Variants in ITPR2 observed in about 807,000 individuals in gnomAD.
ITPR2 encodes the protein inositol 1,4,5-trisphosphate receptor type 2.
In ITPR2, 207 loss-of-function variants were observed where a neutral mutation model predicts 317.1. The observed-to-expected ratio is 0.65, with a 90% CI of 0.58 to 0.73. The LOEUF is 0.73. Ranked by LOEUF, ITPR2 falls within the 30% of genes least tolerant of loss-of-function variation. ITPR2 has a pLI of 0.00. For synonymous variants in ITPR2, 1,156 were observed against 1,149.1 expected, an observed-to-expected ratio of 1.01 and a Z score of -0.12; for missense variants, 2,613 against 3,284.0, an observed-to-expected ratio of 0.80 and a Z score of 4.99.
intron 2 of ITPR2, among the ~76,000 whole-genome samples, chr12:26,743,385 T>G (rs1015960586): frequency 2.0e-5 from 3 of 152,160 alleles, no homozygotes; most frequent in African/African-American, 7.2e-5. Context: ...CATATAAAAA[T>G]TTATCAAGCT....
intron 37 of ITPR2, among the ~76,000 whole-genome samples, chr12:26,525,418 T>C (rs916994527): frequency 1.3e-5 from 2 of 152,202 alleles, no homozygotes; most frequent in Non-Finnish European, 2.9e-5. Flanking sequence ...AATCCTTTCC[T>C]ACTGGCATCT....
chr12:26,675,124 T>C (rs1947877703), intron 13 of ITPR2, among the ~76,000 whole-genome samples: 1 of 152,102 alleles, frequency 6.6e-6, no homozygotes. Context: ...TCAACCATTG[T>C]GGAAGTCAGT....
intron 55 of ITPR2, among the ~76,000 whole-genome samples, chr12:26,385,348 C>T (rs1055419295): frequency 6.6e-6 from 1 of 152,160 alleles, no homozygotes; most frequent in Non-Finnish European, 1.5e-5. Context: ...CCGCCTTTCT[C>T]CCAATGACCA....
At chr12:26,606,755 G>A (rs977307162) in intron 26 of ITPR2, among the ~76,000 whole-genome samples, 3 of 152,020 alleles carry the variant, frequency 2.0e-5, no homozygotes, top group African/African-American at 7.2e-5. Context: ...CACATAGAAA[G>A]ACTCTGTCTC....
chr12:26,653,994 T>C lies in ITPR2; in HGVS notation c.2722A>G (p.Ser908Gly). The change falls in exon 21 of 57, where the codon AGC becomes GGC. Residue 908 changes from serine (S) to glycine (G), a missense_variant. By Grantham distance (56) the Ser-to-Gly change is moderately conservative. This residue lies in a region of ITPR2 where 817 missense variants were observed against 897.6 expected (regional missense o/e 0.91). Coordinates refer to ENST00000381340, the MANE Select transcript of ITPR2 (RefSeq NM_002223.4). Reference protein sequence around the residue: ...APMSSYFERLSKFQDGGNNVM... With the variant: ...APMSSYFERLGKFQDGGNNVM... Reference sequence around the variant, plus strand: ...TTCTTACCTCCATCTTGAAATTTGCTTAATCTTTCAAAGTATGATGACATG... The same window carrying C: ...TTCTTACCTCCATCTTGAAATTTGCCTAATCTTTCAAAGTATGATGACATG... The C allele has an allele frequency of 3.1e-6, 5 of 1,610,814 alleles. No homozygotes were observed. The highest frequency in any genetic ancestry group is 4.2e-6 in the Non-Finnish European group (5 of 1,177,822).
At chr12:26,657,649 A>T in intron 18 of ITPR2, 58 bp downstream of exon 18, 1 of 1,447,996 alleles carries the variant, frequency 6.9e-7, no homozygotes, top group Non-Finnish European at 9.6e-7. Flanking sequence ...ACAGAGAACC[A>T]GTTCTCAATT....
chr12:26,666,193 C>T (rs573016414), intron 13 of ITPR2, 142 bp from the exon 14 acceptor site: 1 of 304,584 alleles, frequency 3.3e-6, no homozygotes, highest in Admixed American at 6.8e-5. Flanking sequence ...AGGAGTGGAA[C>T]TCAAATCCAT....
chr12:26,592,094 T>C (rs1195274832), intron 32 of ITPR2, among the ~76,000 whole-genome samples: 1 of 152,226 alleles, frequency 6.6e-6, no homozygotes, highest in Non-Finnish European at 1.5e-5. Flanking sequence ...TCCAGTCATC[T>C]GCAACAACAT....
chr12:26,414,069 A>ACACACACG (rs1485645053), intron 51 of ITPR2, among the ~76,000 whole-genome samples: 1 of 151,688 alleles, frequency 6.6e-6, no homozygotes, highest in African/African-American at 2.4e-5. Context: ...ACACACACAC[A>ACACACACG]CACACACACA....
intron 55 of ITPR2, among the ~76,000 whole-genome samples, chr12:26,382,983 A>G (rs1939553948): frequency 6.6e-6 from 1 of 152,168 alleles, no homozygotes; most frequent in Non-Finnish European, 1.5e-5. Flanking sequence ...TCATGTTGAA[A>G]TTTGATCCCT....
At chr12:26,691,724 A>G (rs1439609039) in intron 10 of ITPR2, among the ~76,000 whole-genome samples, 4 of 152,014 alleles carry the variant, frequency 2.6e-5, no homozygotes, top group African/African-American at 7.2e-5. Context: ...TGAGTCATCA[A>G]ATTTTTAGCA....
In ITPR2 at chr12:26,722,427, C is replaced by G; in HGVS notation, c.495G>C (p.Pro165=). ...GNEGSWFYIH[P]FWKLRSEGDN... ...CACCCTCGCTTCTCAGTTTCCAGAACGGATGAATATAAAACCAAGACCCTT... is the reference window on the plus strand; with the variant it reads ...CACCCTCGCTTCTCAGTTTCCAGAAGGGATGAATATAAAACCAAGACCCTT... Residue 165 remains proline, a synonymous_variant, in exon 5 of 57, where the codon CCG becomes CCC. Coordinates refer to ENST00000381340, the MANE Select transcript of ITPR2 (RefSeq NM_002223.4). 1 of 1,612,150 alleles carries G rather than the reference C, an allele frequency of 6.2e-7. No homozygotes were observed. The highest frequency in any genetic ancestry group is 8.5e-7 in the Non-Finnish European group (1 of 1,178,908).
chr12:26,391,556 C>CTTTT (rs1555117374), intron 54 of ITPR2, among the ~76,000 whole-genome samples: 15 of 98,594 alleles, frequency 1.5e-4, no homozygotes, highest in African/African-American at 4.3e-4. Flanking sequence ...TCTTCTTTTC[C>CTTTT]TTTTTTTTTT....
chr12:26,605,126 A>AAAAAAAATATATATATATATAT lies in ITPR2; in HGVS notation c.3463-2421_3463-2420insATATATATATATATATTTTTTT, dbSNP rs1555165395. 8.1e-5 allele frequency among the ~76,000 whole-genome samples: 11 copies of AAAAAAAATATATATATATATAT among 136,322 alleles called. No homozygotes were observed. The South Asian group carries it at 1.7e-3, about 21-fold the overall frequency. 89.4% of individuals were successfully genotyped at this position (136,322 alleles called of 152,430 possible). A position where few individuals can be genotyped will look rare whatever the true frequency, so the allele number is the denominator to read the frequency against. Reference sequence around the variant, plus strand: ...ATAAAAATAAAAAATAAAAAATAAAAATATATATATATATATGAGAAAGTG... The same window carrying AAAAAAAATATATATATATATAT: ...ATAAAAATAAAAAATAAAAAATAAAAAAAAAAATATATATATATATATATATATATATATATATGAGAAAGTG... On this transcript the variant is annotated intron_variant, in intron 26 of 56. Transcript: ENST00000381340.
rs1052395827 is a variant in ITPR2 at position 26,831,668 on chromosome 12, T to C, written c.92+1022A>G. Among the ~76,000 whole-genome samples the C allele has an allele frequency of 6.2e-5, 8 of 129,700 alleles. No homozygotes were observed. Among genetic ancestry groups the C allele is most frequent in the Admixed American group, 2.4e-4 (3 of 12,322 alleles). The allele number at this position is 129,700 out of a possible 152,430, so 85.1% of individuals were successfully genotyped here. A position where few individuals can be genotyped will look rare whatever the true frequency, so the allele number is the denominator to read the frequency against. ...TCCTATTTAACCATTTGGCACACTG[T>C]TTTATATATAAATATATATATATAT... On this transcript the variant is annotated intron_variant, in intron 1 of 56. Transcript: ENST00000381340. The surrounding 1 kb of genome is among the most constrained non-coding windows in gnomAD (Gnocchi z 4.9).
At chr12:26,427,674 G>A (rs1461473341) in intron 49 of ITPR2, among the ~76,000 whole-genome samples, 1 of 152,028 alleles carries the variant, frequency 6.6e-6, no homozygotes, top group East Asian at 1.9e-4. Context: ...TTAAATTGAT[G>A]GCAGAACTGG....
At chr12:26,618,713 C>T (rs1260058631) in intron 26 of ITPR2, among the ~76,000 whole-genome samples, 1 of 152,226 alleles carries the variant, frequency 6.6e-6, no homozygotes, top group East Asian at 1.9e-4. Flanking sequence ...AGCAGCACTG[C>T]TTGTAGTAGC....
At chr12:26,541,030 G>A (rs1421141567) in intron 37 of ITPR2, among the ~76,000 whole-genome samples, 1 of 151,902 alleles carries the variant, frequency 6.6e-6, no homozygotes, top group Non-Finnish European at 1.5e-5. Flanking sequence ...TAACACAGCT[G>A]GGCGTGGTGG....
rs528313273 is a variant in ITPR2, at chr12:26,427,882, G to T, written c.6945+31C>A. On this transcript the variant is annotated intron_variant, in intron 49 of 56. Transcript: ENST00000381340. ...TTTCATACACTTTTAAACTAATTCT[G>T]TAACAGTACAAAGCTAAGTAAAGTA... 4 of 1,367,852 alleles carry T rather than the reference G, an allele frequency of 2.9e-6. No individual in the cohort carries two copies. The South Asian group carries it at 6.2e-5, about 21-fold the overall frequency. 84.7% of individuals were successfully genotyped at this position (1,367,852 alleles called of 1,614,324 possible).
Sources: gnomAD v4.1 joint callset for allele counts (sites outside exome capture counted in the v4.1 genomes callset) on GRCh38, gnomAD v4.1.1 for gene constraint, gnomAD v4.1.1 regional missense constraint, Gnocchi (gnomAD v3.1) non-coding constraint, MANE v1.5 for transcripts, NCBI Gene and HGNC (gene_info 2026-07-23, HGNC 2026-07-21) for gene names.